Variants in ATG10 observed in about 807,000 individuals in gnomAD.
The protein encoded by ATG10 is ubiquitin-like-conjugating enzyme ATG10.
Under a neutral mutation model 32.1 loss-of-function variants are expected in ATG10, and 30 were observed. The observed-to-expected ratio is 0.94, with a 90% CI of 0.70 to 1.27. ATG10 has a LOEUF of 1.27. ATG10 is among the 50% of genes most tolerant of loss of function. The pLI is 0.00. For missense variants in ATG10, 233 were observed against 262.3 expected (o/e 0.89, Z 0.77); for synonymous variants, 87 against 91.5 (o/e 0.95, Z 0.28).
intron 5 of ATG10, among the ~76,000 whole-genome samples, chr5:82,213,423 T>C (rs1745565503): frequency 6.6e-6 from 1 of 152,182 alleles, no homozygotes; most frequent in African/African-American, 2.4e-5. Flanking sequence ...TTGGGCAAAA[T>C]GCAGAGAATG....
chr5:82,110,352 C>G (rs1228038240), intron 3 of ATG10, among the ~76,000 whole-genome samples: 15 of 152,114 alleles, frequency 9.9e-5, no homozygotes, highest in Non-Finnish European at 1.8e-4. Flanking sequence ...ATTTCTAGTT[C>G]TAGATCCCTG....
At chr5:82,170,481 C>A (rs1445560460) in intron 4 of ATG10, among the ~76,000 whole-genome samples, 1 of 152,012 alleles carries the variant, frequency 6.6e-6, no homozygotes, top group Non-Finnish European at 1.5e-5. Context: ...GAGAAGGAGA[C>A]CAGGTTGGAT....
At chr5:82,030,240 G>A (rs1159511183) in intron 2 of ATG10, among the ~76,000 whole-genome samples, 3 of 152,120 alleles carry the variant, frequency 2.0e-5, no homozygotes, top group Non-Finnish European at 4.4e-5. Context: ...AATGTTCTGG[G>A]AGAATATTTA....
chr5:82,150,708 A>T (rs1017504950), intron 3 of ATG10, among the ~76,000 whole-genome samples: 2 of 152,158 alleles, frequency 1.3e-5, no homozygotes, highest in Non-Finnish European at 2.9e-5. Flanking sequence ...GCCTTTCCTC[A>T]GTACAGTAGG....
chr5:82,068,727 T>A (rs1460184557), intron 3 of ATG10, among the ~76,000 whole-genome samples: 1 of 146,774 alleles, frequency 6.8e-6, no homozygotes, highest in Non-Finnish European at 1.5e-5. Flanking sequence ...TATATATATA[T>A]AATCAAATTT....
At chr5:81,975,364 T>G (rs1760839561) in intron 1 of ATG10, among the ~76,000 whole-genome samples, 1 of 152,236 alleles carries the variant, frequency 6.6e-6, no homozygotes, top group Admixed American at 6.5e-5. Context: ...AGGCAAAGAC[T>G]GTATTATACT....
intron 3 of ATG10, among the ~76,000 whole-genome samples, chr5:82,064,001 A>G (rs577064658): frequency 6.6e-6 from 1 of 152,304 alleles, no homozygotes; most frequent in African/African-American, 2.4e-5. Flanking sequence ...GAATAAGCAA[A>G]TTTCATGAAA....
At chr5:81,988,377 G>A (rs186511500) in intron 2 of ATG10, among the ~76,000 whole-genome samples, 53 of 152,240 alleles carry the variant, frequency 3.5e-4, no homozygotes, top group African/African-American at 1.3e-3. Context: ...GGCCTCAAGT[G>A]ATCCACCCGC....
At chr5:82,143,118 G>A (rs1767216835) in intron 3 of ATG10, among the ~76,000 whole-genome samples, 1 of 152,204 alleles carries the variant, frequency 6.6e-6, no homozygotes, top group Non-Finnish European at 1.5e-5. Flanking sequence ...TGAATGAGGA[G>A]TGAGAACAAA....
At chr5:82,001,236 C>T (rs146365435) in intron 2 of ATG10, among the ~76,000 whole-genome samples, 102 of 152,220 alleles carry the variant, frequency 6.7e-4, no homozygotes, top group Middle Eastern at 6.8e-3. Flanking sequence ...CAATACTATT[C>T]CTGTCAGTCT....
Position 82,227,248 on chromosome 5 carries a change from C to T in ATG10, c.454-25314C>T, listed in dbSNP as rs182649369. ...GTACAAAAGAAAGACATCTGACATC[C>T]GACATCCATCCCTTACCATGACATA... is the stretch of plus-strand genomic sequence containing the variant. On this transcript the variant is annotated intron_variant, in intron 5 of 7. Coordinates refer to ENST00000282185, the MANE Select transcript of ATG10 (RefSeq NM_031482.5). Among the ~76,000 whole-genome samples the T allele has an allele frequency of 1.2e-3, 181 of 152,116 alleles. 2 individuals carry two copies. Among genetic ancestry groups the T allele is most frequent in the African/African-American group, 4.1e-3 (172 of 41,486 alleles).
At chr5:82,146,823 A>G (rs1263459234) in intron 3 of ATG10, among the ~76,000 whole-genome samples, 7 of 151,852 alleles carry the variant, frequency 4.6e-5, no homozygotes, top group African/African-American at 1.5e-4. Flanking sequence ...ATATGAATAT[A>G]TTTTTTCCTC....
chr5:82,151,045 T>A (rs899404341), intron 3 of ATG10, among the ~76,000 whole-genome samples: 4 of 152,184 alleles, frequency 2.6e-5, no homozygotes, highest in African/African-American at 9.7e-5. Context: ...TAATTTTGTT[T>A]AATAATGGTC....
At chr5:81,973,047 T>G (rs1414416980) in intron 1 of ATG10, 1 of 152,204 alleles carries the variant, frequency 6.6e-6, no homozygotes, top group Admixed American at 6.5e-5. Flanking sequence ...TTAATGGAGA[T>G]GCAAATTATT....
In ATG10 at chr5:82,058,410, G is replaced by C. The variant is rs955759096; in HGVS notation, c.109-85G>C. 1.1e-5 allele frequency: 11 copies of C among 968,426 alleles called. No individual in the cohort carries two copies. The African/African-American group carries it at 1.6e-4, about 14-fold the overall frequency. The allele number at this position is 968,426 out of a possible 1,614,324, so 60.0% of individuals were successfully genotyped here. On this transcript the variant is annotated intron_variant, in intron 2 of 7. Transcript: ENST00000282185. The stretch of plus-strand genomic sequence containing the variant: ...CATTTAGTTTTTCACTGATCAGTTT[G>C]GAACTTATGGGAAGTGGTTCTTAAA...
intron 2 of ATG10, among the ~76,000 whole-genome samples, chr5:82,014,240 T>C (rs1762212413): frequency 6.6e-6 from 1 of 152,232 alleles, no homozygotes; most frequent in Non-Finnish European, 1.5e-5. Flanking sequence ...AGGAGTGCTT[T>C]ACTTCCAACT....
chr5:82,097,455 C>G (rs1168644228), intron 3 of ATG10, among the ~76,000 whole-genome samples: 1 of 152,116 alleles, frequency 6.6e-6, no homozygotes, highest in Non-Finnish European at 1.5e-5. Context: ...TCAAAGAAGT[C>G]TCAGGAGAAG....
chr5:82,195,763 T>C (rs1744829915), intron 5 of ATG10, among the ~76,000 whole-genome samples: 1 of 152,180 alleles, frequency 6.6e-6, no homozygotes, highest in Admixed American at 6.5e-5. Context: ...ATATATGACA[T>C]TTTGTTTATC....
chr5:82,187,220 A>G (rs2149938286), intron 5 of ATG10, among the ~76,000 whole-genome samples: 1 of 152,216 alleles, frequency 6.6e-6, no homozygotes, highest in African/African-American at 2.4e-5. Context: ...AAAAAGGCAT[A>G]TGGGCCAGGC....
Sources: allele counts gnomAD v4.1 joint callset (sites outside exome capture counted in the v4.1 genomes callset), GRCh38; gene constraint gnomAD v4.1.1; transcripts MANE v1.5; gene names NCBI Gene and HGNC (gene_info 2026-07-23, HGNC 2026-07-21).